The following PCDH15 variants were observed in gnomAD, a reference collection of about 807,000 sequenced individuals.
PCDH15 encodes protocadherin related 15.
In PCDH15, 129 loss-of-function variants were observed where a neutral mutation model predicts 178.5. The observed-to-expected ratio is 0.72, with a 90% CI of 0.63 to 0.84. The LOEUF is 0.84. Among genes scored for constraint, PCDH15 ranks in the 40% least tolerant of loss-of-function variants. The pLI, the probability that PCDH15 is intolerant of heterozygous loss-of-function variation, is 0.00. For missense variants in PCDH15, 2,230 were observed against 2,099.9 expected (o/e 1.06, Z -1.21); for synonymous variants, 800 against 732.0 (o/e 1.09, Z -1.50).
intron 3 of PCDH15, among the ~76,000 whole-genome samples, chr10:54,832,585 T>G (rs1331236623): frequency 6.6e-6 from 1 of 152,180 alleles, no homozygotes; most frequent in Admixed American, 6.6e-5. Context: ...ATCTGGCCAG[T>G]ACATTTGTAT....
intron 2 of PCDH15, among the ~76,000 whole-genome samples, chr10:55,115,945 C>T (rs1837619450): frequency 1.3e-5 from 2 of 152,244 alleles, no homozygotes; most frequent in African/African-American, 4.8e-5. Context: ...TTTACATTCC[C>T]AAATGCATCA....
chr10:54,085,617 A>G (rs1256486840), intron 16 of PCDH15, among the ~76,000 whole-genome samples: 1 of 152,202 alleles, frequency 6.6e-6, no homozygotes, highest in Non-Finnish European at 1.5e-5. Flanking sequence ...TCATACAGAT[A>G]TGGCCACTTA....
chr10:54,408,095 A>G (rs1395691306), intron 3 of PCDH15, among the ~76,000 whole-genome samples: 1 of 151,582 alleles, frequency 6.6e-6, no homozygotes, highest in Admixed American at 6.6e-5. Flanking sequence ...AGAAAATAGA[A>G]AAGTTACTTC....
At chr10:54,462,255 C>T (rs947770547) in intron 3 of PCDH15, among the ~76,000 whole-genome samples, 1 of 151,588 alleles carries the variant, frequency 6.6e-6, no homozygotes, top group African/African-American at 2.4e-5. Context: ...GAACTATTGT[C>T]TTTAGCATTT....
chr10:55,510,244 G>C (rs532712557), intron 2 of PCDH15, among the ~76,000 whole-genome samples: 1 of 151,968 alleles, frequency 6.6e-6, no homozygotes, highest in East Asian at 1.9e-4. Flanking sequence ...ATGGGAAAAA[G>C]ACAAATTTTT....
intron 14 of PCDH15, among the ~76,000 whole-genome samples, chr10:54,143,594 G>C (rs2043604875): frequency 6.6e-6 from 1 of 152,158 alleles, no homozygotes; most frequent in South Asian, 2.1e-4. Context: ...ACATGAAGCA[G>C]AGCAATAATT....
At chr10:53,983,800 G>T (rs996777206) in intron 21 of PCDH15, among the ~76,000 whole-genome samples, 39 of 152,230 alleles carry the variant, frequency 2.6e-4, no homozygotes, top group African/African-American at 8.4e-4. Context: ...ACTTAGAGAT[G>T]AACCTTATCT....
intron 2 of PCDH15, among the ~76,000 whole-genome samples, chr10:55,022,756 G>T (rs1455672259): frequency 2.0e-5 from 3 of 146,474 alleles, no homozygotes; most frequent in Non-Finnish European, 4.5e-5. Context: ...AGTCACCCAG[G>T]CTGGAGTGCA....
intron 1 of PCDH15, among the ~76,000 whole-genome samples, chr10:55,250,459 T>TTAAAATATC (rs1268991642): frequency 2.0e-5 from 3 of 149,774 alleles, no homozygotes; most frequent in Non-Finnish European, 4.4e-5. Flanking sequence ...AATAATATTT[T>TTAAAATATC]TAAAATATCA....
chr10:54,443,194 C>A (rs144600532), intron 3 of PCDH15, among the ~76,000 whole-genome samples: 2 of 151,598 alleles, frequency 1.3e-5, no homozygotes, highest in African/African-American at 4.8e-5. Context: ...CCTTTCTTTG[C>A]CTATGTACAC....
chr10:54,712,312 A>G (rs11004464), intron 1 of PCDH15, among the ~76,000 whole-genome samples: 18,431 of 151,826 alleles, frequency 0.12, 1,231 homozygotes, highest in African/African-American at 0.17. Flanking sequence ...AAGCATTTCG[A>G]AATTCATTGT....
intron 21 of PCDH15, among the ~76,000 whole-genome samples, chr10:53,962,404 A>C (rs972923207): frequency 6.6e-6 from 1 of 152,158 alleles, no homozygotes; most frequent in African/African-American, 2.4e-5. Flanking sequence ...AGTAAAGTGC[A>C]GGAATGGACA....
At chr10:55,396,551 G>T (rs11004831) in intron 2 of PCDH15, among the ~76,000 whole-genome samples, 2 of 152,058 alleles carry the variant, frequency 1.3e-5, no homozygotes, top group Admixed American at 6.5e-5. Context: ...AATCGAGACC[G>T]GTAGGATTGC....
chr10:55,149,509 G>T (rs1838637726), intron 2 of PCDH15, among the ~76,000 whole-genome samples: 1 of 151,898 alleles, frequency 6.6e-6, no homozygotes, highest in African/African-American at 2.4e-5. Flanking sequence ...ATTACATGGG[G>T]GGAAACTTAT....
intron 25 of PCDH15, among the ~76,000 whole-genome samples, chr10:53,930,816 A>G (rs2084996513): frequency 6.6e-6 from 1 of 152,154 alleles, no homozygotes; most frequent in Admixed American, 6.6e-5. Flanking sequence ...CTGAACTCCC[A>G]TCTCCTCAGC....
chr10:53,821,524 C>T, intron 32 of PCDH15: 1 of 1,055,612 alleles, frequency 9.5e-7, no homozygotes, highest in Non-Finnish European at 1.1e-6. Context: ...GTTACTGCAT[C>T]CACATGATAG....
At chr10:54,853,418 T>TGCATATATATATAC (rs1220686892) in intron 3 of PCDH15, among the ~76,000 whole-genome samples, 4 of 142,552 alleles carry the variant, frequency 2.8e-5, no homozygotes. Flanking sequence ...TATATACACA[T>TGCATATATATATAC]ACATATATAT....
intron 18 of PCDH15, among the ~76,000 whole-genome samples, chr10:54,031,403 A>G (rs2093291100): frequency 6.6e-6 from 1 of 152,062 alleles, no homozygotes. Flanking sequence ...ATGCTACGCA[A>G]TTAAATAATT....
intron 3 of PCDH15, among the ~76,000 whole-genome samples, chr10:54,868,046 CTT>C (rs1953969570): frequency 6.6e-6 from 1 of 152,008 alleles, no homozygotes; most frequent in African/African-American, 2.4e-5. Flanking sequence ...ACAATGTACA[CTT>C]ATATAAAAAC....
Sources: allele counts gnomAD v4.1 joint callset (sites outside exome capture counted in the v4.1 genomes callset), GRCh38; gene constraint gnomAD v4.1.1; transcripts MANE v1.5; gene names NCBI Gene and HGNC (gene_info 2026-07-23, HGNC 2026-07-21).